WASHC3: variants seen among roughly 807,000 people sequenced by gnomAD.
WASHC3 encodes WASH complex subunit 3.
WASHC3 carries 24 observed loss-of-function variants against 26.1 expected under a neutral mutation model. The observed-to-expected ratio is 0.92, with a 90% CI of 0.66 to 1.29. The LOEUF (loss-of-function observed/expected upper bound fraction) is 1.29, where lower values mean the gene tolerates loss of function less well. Ranked by LOEUF, WASHC3 falls within the 50% of genes most tolerant of loss-of-function variation. WASHC3 has a pLI of 0.00. For missense variants in WASHC3, 214 were observed against 229.6 expected (o/e 0.93, Z 0.44); for synonymous variants, 77 against 75.7 (o/e 1.02, Z -0.09).
chr12:102,052,431 C>T (rs1216922525), intron 2 of WASHC3, among the ~76,000 whole-genome samples: 4 of 152,188 alleles, frequency 2.6e-5, no homozygotes, highest in African/African-American at 9.7e-5. Context: ...CTGGATCACC[C>T]AGTCCTGAGT....
At chr12:102,022,236 T>C (rs1014517906) in intron 6 of WASHC3, among the ~76,000 whole-genome samples, 1 of 152,200 alleles carries the variant, frequency 6.6e-6, no homozygotes, top group African/African-American at 2.4e-5. Flanking sequence ...TCTGTATATG[T>C]TAAATATGTC....
At position 102,013,220 on chromosome 12, in the gene WASHC3, A is replaced by C. The variant is rs999629963; in HGVS notation, c.501-28T>G. The C allele has an allele frequency of 3.3e-6, 4 of 1,197,780 alleles. No individual in the cohort carries two copies. The African/African-American group carries it at 6.1e-5, about 18-fold the overall frequency. The allele number at this position is 1,197,780 out of a possible 1,614,324, so 74.2% of individuals were successfully genotyped here. On this transcript the variant is annotated intron_variant, in intron 6 of 6. Coordinates refer to ENST00000240079, the MANE Select transcript of WASHC3 (RefSeq NM_016053.4). The stretch of plus-strand genomic sequence containing the variant: ...AAAAGAAAAGAAAAAAAAATTTCAA[A>C]GGTCTTTTCCAATTGAAAAGAGCAC...
At chr12:102,043,765 G>A (rs940352272) in intron 4 of WASHC3, 1 of 153,238 alleles carries the variant, frequency 6.5e-6, no homozygotes, top group African/African-American at 2.4e-5. Flanking sequence ...GTCTATTTTT[G>A]TGTATGTTTA....
chr12:102,052,327 A>ACC (rs754823205), intron 2 of WASHC3, among the ~76,000 whole-genome samples: 2 of 152,202 alleles, frequency 1.3e-5, no homozygotes, highest in South Asian at 2.1e-4. Context: ...CACCAGGCCC[A>ACC]CCCCAGCAGA....
chr12:102,026,837 C>A (rs1877213100), intron 5 of WASHC3, among the ~76,000 whole-genome samples: 1 of 152,118 alleles, frequency 6.6e-6, no homozygotes. Context: ...ATAAGAAACA[C>A]TAAACTGATG....
intron 5 of WASHC3, among the ~76,000 whole-genome samples, chr12:102,039,295 A>C (rs1041003611): frequency 1.2e-4 from 19 of 152,008 alleles, no homozygotes; most frequent in Non-Finnish European, 2.6e-4. Context: ...TGATTAACAG[A>C]AAAATGATGG....
At chr12:102,044,435 G>A (rs1198896369) in intron 3 of WASHC3, among the ~76,000 whole-genome samples, 1 of 152,004 alleles carries the variant, frequency 6.6e-6, no homozygotes, top group Non-Finnish European at 1.5e-5. Flanking sequence ...TCAAAATATA[G>A]ACAATCCTAG....
chr12:102,061,266 A>T lies in WASHC3; in HGVS notation c.132T>A (p.Phe44Leu), dbSNP rs200289876. 8.0e-4 allele frequency: 1,295 copies of T among 1,613,722 alleles called. 1 individual carries two copies. The highest frequency in any genetic ancestry group is 1.1e-3 in the Admixed American group (66 of 60,018). Residue 44 changes from phenylalanine to leucine, a missense_variant, in exon 2 of 7, where the codon TTT (phenylalanine) becomes TTA (leucine). Transcript: ENST00000240079. The part of the protein sequence containing the change: ...VVHTVQFLNR[F>L]STVCEEKLAD... ...GACCTACCTCCTCACAAACTGTAGA[A>T]AAGCGGTTGAGGAACTGTACAGTGT...
At chr12:102,040,070 G>C (rs776371882) in intron 4 of WASHC3, 92 bp from the exon 5 acceptor site, 77 of 515,326 alleles carry the variant, frequency 1.5e-4, no homozygotes, top group Admixed American at 8.3e-4. Context: ...ATAATTCTAA[G>C]GCAGTAAATT....
At chr12:102,021,565 C>T (rs1324016669) in intron 6 of WASHC3, among the ~76,000 whole-genome samples, 1 of 152,112 alleles carries the variant, frequency 6.6e-6, no homozygotes, top group Admixed American at 6.5e-5. Flanking sequence ...TTTATTTGTC[C>T]TATACTTTCT....
chr12:102,027,396 T>C (rs956053280), intron 5 of WASHC3, among the ~76,000 whole-genome samples: 2 of 152,162 alleles, frequency 1.3e-5, no homozygotes, highest in African/African-American at 4.8e-5. Context: ...CAGTAAAATC[T>C]GAGTTTAAGT....
chr12:102,025,884 TA>T, intron 6 of WASHC3, 89 bp downstream of exon 6: 2 of 739,564 alleles, frequency 2.7e-6, no homozygotes, highest in Non-Finnish European at 2.3e-6. Context: ...ACTGTAGGAA[TA>T]AAAATACAGA....
At chr12:102,058,388 T>C (rs1878674207) in intron 2 of WASHC3, among the ~76,000 whole-genome samples, 1 of 152,108 alleles carries the variant, frequency 6.6e-6, no homozygotes, top group South Asian at 2.1e-4. Flanking sequence ...CCCAAAGCAC[T>C]GGTAACAAAA....
chr12:102,050,239 G>A (rs1180313372), intron 2 of WASHC3: 1 of 449,700 alleles, frequency 2.2e-6, no homozygotes, highest in Non-Finnish European at 4.5e-6. Context: ...AGGCTGCAGT[G>A]AGCTAAGTTC....
intron 2 of WASHC3, chr12:102,050,392 G>A: frequency 2.4e-6 from 1 of 417,932 alleles, no homozygotes; most frequent in South Asian, 1.8e-5. Flanking sequence ...CCGAGGCCGA[G>A]GGATCACTTA....
At chr12:102,030,957 T>G (rs535328141) in intron 5 of WASHC3, among the ~76,000 whole-genome samples, 1 of 152,254 alleles carries the variant, frequency 6.6e-6, no homozygotes, top group East Asian at 1.9e-4. Context: ...AATTTAAAAA[T>G]ATGCAAAAGG....
chr12:102,046,221 CAT>C (rs1356181102), intron 2 of WASHC3, 102 bp from the exon 3 acceptor site: 1 of 678,392 alleles, frequency 1.5e-6, no homozygotes, highest in Non-Finnish European at 2.6e-6. Flanking sequence ...AAATATTTGT[CAT>C]ATTCTAATAC....
intron 6 of WASHC3, among the ~76,000 whole-genome samples, chr12:102,021,583 G>C (rs1005258254): frequency 2.0e-5 from 3 of 152,178 alleles, no homozygotes; most frequent in African/African-American, 7.2e-5. Context: ...TCTAGCTAGT[G>C]TCTGCCAGCT....
intron 5 of WASHC3, among the ~76,000 whole-genome samples, chr12:102,038,283 T>A (rs1253544131): frequency 6.6e-6 from 1 of 152,184 alleles, no homozygotes; most frequent in African/African-American, 2.4e-5. Context: ...AATAAACAGA[T>A]GGTGGATTTA....
Sources: allele counts gnomAD v4.1 joint callset (sites outside exome capture counted in the v4.1 genomes callset), GRCh38; gene constraint gnomAD v4.1.1; transcripts MANE v1.5; gene names NCBI Gene and HGNC (gene_info 2026-07-23, HGNC 2026-07-21).